The following SPRY3 variants were observed in gnomAD, a reference collection of about 807,000 sequenced individuals.
SPRY3 encodes the protein protein sprouty homolog 3.
In SPRY3, 15 loss-of-function variants were observed where a neutral mutation model predicts 20.2. That is an observed-to-expected ratio of 0.74 (90% CI 0.50 to 1.14). The LOEUF is 1.14. Among genes scored for constraint, SPRY3 ranks in the 50% most tolerant of loss-of-function variants. The probability of loss-of-function intolerance (pLI) is 0.00; values close to 1 mark genes in which losing one functional copy is unlikely to be tolerated. For missense variants in SPRY3, 364 were observed against 363.9 expected, an observed-to-expected ratio of 1.00 and a Z score of 0.00; for synonymous variants, 143 against 136.5, an observed-to-expected ratio of 1.05 and a Z score of -0.33.
intron 2 of SPRY3, among the ~76,000 whole-genome samples, chrX:155,724,040 G>A (rs2091081199): frequency 1.3e-5 from 2 of 152,272 alleles, no homozygotes; most frequent in Non-Finnish European, 2.9e-5. Flanking sequence ...ATTAGATAGG[G>A]ATTCCTTTCC....
chrX:155,720,016 G>C (rs2091046145), intron 2 of SPRY3, among the ~76,000 whole-genome samples: 1 of 152,112 alleles, frequency 6.6e-6, no homozygotes, highest in Admixed American at 6.5e-5. Flanking sequence ...TCCAGGACTT[G>C]GCTCTTTGAT....
Position 155,671,686 on chromosome X carries a change from A to C in SPRY3, c.-282+14661A>C, listed in dbSNP as rs187844421. Among the ~76,000 whole-genome samples, 13 of 111,456 alleles carry C rather than the reference A, an allele frequency of 1.2e-4. No individual in the cohort carries two copies. In the East Asian group the frequency reaches 3.4e-3, roughly 29 times the overall value. ...CCTTAAGACAGTTTCTTTTGTTGCC[A>C]TTGCTTTTGGTGTTTTAGTCATGAA... is the stretch of plus-strand genomic sequence containing the variant. On this transcript the variant is annotated intron_variant, in intron 2 of 3. Transcript: ENST00000675360.
intron 2 of SPRY3, among the ~76,000 whole-genome samples, chrX:155,676,856 A>T (rs1257690781): frequency 9.0e-6 from 1 of 111,329 alleles, no homozygotes; most frequent in Non-Finnish European, 1.9e-5. Context: ...CACTTCTCAA[A>T]GGCCTCGTAA....
intron 2 of SPRY3, among the ~76,000 whole-genome samples, chrX:155,757,404 T>TC (rs1180749331): frequency 2.6e-5 from 4 of 152,154 alleles, no homozygotes; most frequent in Admixed American, 1.3e-4. Flanking sequence ...AGGGAGACTT[T>TC]CCATAACCAT....
chrX:155,639,430 T>G (rs1263313219), intron 1 of SPRY3, among the ~76,000 whole-genome samples: 3 of 112,196 alleles, frequency 2.7e-5, no homozygotes, highest in Non-Finnish European at 5.6e-5. Context: ...AATCTCTGCT[T>G]CTGTGAGTTT....
intron 2 of SPRY3, among the ~76,000 whole-genome samples, chrX:155,693,652 A>G (rs1212635204): frequency 8.9e-6 from 1 of 111,958 alleles, no homozygotes; most frequent in Non-Finnish European, 1.9e-5. Flanking sequence ...TTGAGGCTCT[A>G]TTATAGGCAT....
intron 1 of SPRY3, among the ~76,000 whole-genome samples, chrX:155,630,664 T>C (rs1481956959): frequency 9.0e-6 from 1 of 111,441 alleles, no homozygotes; most frequent in African/African-American, 3.3e-5. Flanking sequence ...AGGATCCTTT[T>C]TTTGTCTTTG....
chrX:155,775,367 T>C (rs1207519323), exon 4 of SPRY3: 1 of 168,218 alleles, frequency 5.9e-6, no homozygotes, highest in African/African-American at 2.4e-5. Context: ...TCTGCCTGTA[T>C]TTCTATCTCA....
At chrX:155,774,708 C>A (rs372133544) in exon 4 of SPRY3, 2 of 1,613,260 alleles carry the variant, frequency 1.2e-6, no homozygotes, top group African/African-American at 2.7e-5. Flanking sequence ...GTAGTGCACC[C>A]TTCCCCAAGG....
intron 2 of SPRY3, among the ~76,000 whole-genome samples, chrX:155,670,242 T>A (rs1557354640): frequency 1.8e-5 from 2 of 111,566 alleles, no homozygotes; most frequent in African/African-American, 6.5e-5. Context: ...CTCTATTATT[T>A]ATGAAAAGTG....
At chrX:155,683,192 G>A (rs1352725618) in intron 2 of SPRY3, among the ~76,000 whole-genome samples, 2 of 112,551 alleles carry the variant, frequency 1.8e-5, no homozygotes, top group East Asian at 5.6e-4. Context: ...CAGTGGTCTG[G>A]TTTGAAAGGA....
At chrX:155,624,233 A>G (rs782085439) in intron 1 of SPRY3, among the ~76,000 whole-genome samples, 2 of 111,773 alleles carry the variant, frequency 1.8e-5, no homozygotes, top group East Asian at 2.8e-4. Context: ...TAGCAATTCA[A>G]TTAATGCGCC....
chrX:155,694,513 C>T (rs760058070), intron 2 of SPRY3, among the ~76,000 whole-genome samples: 73 of 111,046 alleles, frequency 6.6e-4, no homozygotes, highest in African/African-American at 2.2e-3. Flanking sequence ...TTCCATGGAC[C>T]GGGGTGGGTG....
At chrX:155,720,032 T>G (rs1199645710) in intron 2 of SPRY3, among the ~76,000 whole-genome samples, 1 of 152,114 alleles carries the variant, frequency 6.6e-6, no homozygotes, top group Non-Finnish European at 1.5e-5. Flanking sequence ...TTGATGGCAT[T>G]TCTGGACCTG....
Position 155,658,404 on chromosome X carries a change from C to T in SPRY3, c.-282+1379C>T, listed in dbSNP as rs936847632. Among the ~76,000 whole-genome samples, 10 of 111,713 alleles carry T rather than the reference C, an allele frequency of 9.0e-5. No homozygotes were observed. The East Asian group carries it at 2.8e-3, about 31-fold the overall frequency. The stretch of plus-strand genomic sequence containing the variant: ...TTCGCTTTGTAAGGATGTTTTACCT[C>T]CTTGATTAAATACATTCCTAGGTAT... On this transcript the variant is annotated intron_variant, in intron 2 of 3. Transcript: ENST00000675360.
intron 3 of SPRY3, among the ~76,000 whole-genome samples, chrX:155,771,570 G>T (rs1048311401): frequency 6.6e-6 from 1 of 152,080 alleles, no homozygotes; most frequent in African/African-American, 2.4e-5. Context: ...TTCTTTAGCC[G>T]ATCAATGGGA....
intron 2 of SPRY3, among the ~76,000 whole-genome samples, chrX:155,719,090 A>AC (rs1455966434): frequency 6.6e-6 from 1 of 151,914 alleles, no homozygotes; most frequent in Non-Finnish European, 1.5e-5. Context: ...TGATGCCACC[A>AC]CCCCCACAAT....
intron 2 of SPRY3, among the ~76,000 whole-genome samples, chrX:155,708,707 A>AT (rs1469086473): frequency 3.4e-4 from 52 of 151,566 alleles, no homozygotes; most frequent in Non-Finnish European, 3.9e-4. Context: ...GAAAATCAGT[A>AT]TTCACCCCAT....
chrX:155,620,898 T>C (rs370830481), intron 1 of SPRY3, among the ~76,000 whole-genome samples: 8 of 112,130 alleles, frequency 7.1e-5, no homozygotes, highest in African/African-American at 2.6e-4. Flanking sequence ...TCATGAATCG[T>C]GGAGAACCAG....
Sources: allele counts gnomAD v4.1 joint callset (sites outside exome capture counted in the v4.1 genomes callset), GRCh38; gene constraint gnomAD v4.1.1; transcripts MANE v1.5; gene names NCBI Gene and HGNC (gene_info 2026-07-23, HGNC 2026-07-21).